Variants in RBFOX1 observed in about 807,000 individuals in gnomAD.
RBFOX1 encodes RNA binding protein fox-1 homolog 1.
RBFOX1 carries 8 observed loss-of-function variants against 57.7 expected under a neutral mutation model. That is an observed-to-expected ratio of 0.14 (90% CI 0.08 to 0.25). The LOEUF is 0.25. Ranked by LOEUF, RBFOX1 falls within the 10% of genes least tolerant of loss-of-function variation. The pLI is 1.00. For missense variants in RBFOX1, 611 were observed against 548.5 expected, an observed-to-expected ratio of 1.11 and a Z score of -1.14; for synonymous variants, 326 against 222.4, an observed-to-expected ratio of 1.47 and a Z score of -4.15.
rs558161081 is a variant in RBFOX1, at chr16:7,484,105, T to G, written c.28-34042T>G. Among the ~76,000 whole-genome samples the G allele has an allele frequency of 5.3e-5, 8 of 152,334 alleles. No homozygotes were observed. In the East Asian group the frequency reaches 1.4e-3, roughly 26 times the overall value. The stretch of plus-strand genomic sequence containing the variant: ...CATACTGTGCAGAGTCTTTTTTGTT[T>G]GAGTCCTTTCCCTGAGCATAAAGTT... On this transcript the variant is annotated intron_variant, in intron 4 of 15. Coordinates refer to ENST00000550418, the MANE Select transcript of RBFOX1 (RefSeq NM_018723.4).
chr16:5,339,409 T>C (rs946289085), intron 1 of RBFOX1, among the ~76,000 whole-genome samples: 2 of 148,560 alleles, frequency 1.3e-5, no homozygotes, highest in Non-Finnish European at 3.0e-5. Flanking sequence ...GAGACCAAAC[T>C]CATGCTGGTT....
intron 3 of RBFOX1, among the ~76,000 whole-genome samples, chr16:6,765,824 C>G (rs888943272): frequency 2.6e-5 from 4 of 152,140 alleles, no homozygotes; most frequent in African/African-American, 9.7e-5. Context: ...GAAATAATGT[C>G]TTTTGCAGCA....
chr16:6,878,095 A>G (rs1449084658), intron 3 of RBFOX1, among the ~76,000 whole-genome samples: 1 of 152,176 alleles, frequency 6.6e-6, no homozygotes, highest in South Asian at 2.1e-4. Flanking sequence ...TGGCTGAGAT[A>G]TATGGTGGCG....
chr16:6,411,152 T>G (rs993551739), intron 2 of RBFOX1, among the ~76,000 whole-genome samples: 35 of 152,190 alleles, frequency 2.3e-4, no homozygotes, highest in African/African-American at 8.4e-4. Flanking sequence ...CAATTGTTTT[T>G]AAATTTTTTT....
intron 3 of RBFOX1, among the ~76,000 whole-genome samples, chr16:6,900,279 T>A (rs2068125017): frequency 6.6e-6 from 1 of 152,186 alleles, no homozygotes; most frequent in Non-Finnish European, 1.5e-5. Context: ...TATGTGTATT[T>A]CTCTGTAGTT....
At chr16:7,518,103 C>A (rs202021640) in intron 4 of RBFOX1, 44 bp from the exon 5 acceptor site, 2 of 1,577,692 alleles carry the variant, frequency 1.3e-6, no homozygotes, top group South Asian at 2.4e-5. Flanking sequence ...CATGGTGGCT[C>A]CTCATGACGT....
At chr16:6,756,279 G>C (rs923089006) in intron 3 of RBFOX1, among the ~76,000 whole-genome samples, 4 of 152,108 alleles carry the variant, frequency 2.6e-5, no homozygotes, top group African/African-American at 9.7e-5. Context: ...GTATGTAGAA[G>C]AGTGAAACAA....
At chr16:7,054,454 G>C (rs2051342525) in intron 4 of RBFOX1, among the ~76,000 whole-genome samples, 1 of 147,420 alleles carries the variant, frequency 6.8e-6, no homozygotes, top group Admixed American at 7.0e-5. Flanking sequence ...TGTTGGCCAG[G>C]ATGGTCTCGA....
chr16:6,879,687 T>G (rs1353238623), intron 3 of RBFOX1, among the ~76,000 whole-genome samples: 1 of 152,236 alleles, frequency 6.6e-6, no homozygotes, highest in Admixed American at 6.5e-5. Context: ...GTTGTACGTC[T>G]CTGTTTAATT....
intron 1 of RBFOX1, among the ~76,000 whole-genome samples, chr16:5,380,853 A>AG (rs1211594487): frequency 6.6e-6 from 1 of 152,216 alleles, no homozygotes; most frequent in Admixed American, 6.5e-5. Flanking sequence ...TTTTATCCTG[A>AG]GGATGTACTC....
chr16:6,760,389 C>T (rs973777193), intron 3 of RBFOX1, among the ~76,000 whole-genome samples: 4 of 152,264 alleles, frequency 2.6e-5, no homozygotes, highest in South Asian at 2.1e-4. Flanking sequence ...TCTTCAACAT[C>T]TTAACTATCT....
intron 2 of RBFOX1, among the ~76,000 whole-genome samples, chr16:6,380,686 C>G (rs2091721955): frequency 6.6e-6 from 1 of 151,428 alleles, no homozygotes; most frequent in African/African-American, 2.4e-5. Context: ...GAACAAATCT[C>G]TTTGGGGGCA....
At chr16:5,667,372 G>A (rs1596662384) in intron 3 of RBFOX1, among the ~76,000 whole-genome samples, 1 of 152,082 alleles carries the variant, frequency 6.6e-6, no homozygotes, top group Non-Finnish European at 1.5e-5. Flanking sequence ...TTGCTCTATG[G>A]CACATTGCCA....
chr16:5,426,285 G>A (rs1315579859), intron 1 of RBFOX1, among the ~76,000 whole-genome samples: 3 of 152,208 alleles, frequency 2.0e-5, no homozygotes, highest in African/African-American at 4.8e-5. Flanking sequence ...GATGTATGCA[G>A]CACCCCCATT....
intron 4 of RBFOX1, among the ~76,000 whole-genome samples, chr16:7,361,609 C>G (rs895138041): frequency 2.0e-5 from 3 of 152,148 alleles, no homozygotes; most frequent in Non-Finnish European, 4.4e-5. Flanking sequence ...ATAGGGATAA[C>G]TAAAGCAACC....
intron 3 of RBFOX1, among the ~76,000 whole-genome samples, chr16:6,942,908 T>A (rs911141956): frequency 2.0e-5 from 3 of 152,182 alleles, no homozygotes; most frequent in Admixed American, 6.5e-5. Context: ...AGTACACAGT[T>A]GTGGTACCGA....
chr16:6,763,141 AG>A (rs1358599231), intron 3 of RBFOX1, among the ~76,000 whole-genome samples: 2 of 152,204 alleles, frequency 1.3e-5, no homozygotes, highest in Non-Finnish European at 2.9e-5. Context: ...GAGTTTTTTC[AG>A]GGCAGAAACT....
chr16:6,420,463 G>C (rs912472678), intron 2 of RBFOX1, among the ~76,000 whole-genome samples: 1 of 152,154 alleles, frequency 6.6e-6, no homozygotes, highest in Non-Finnish European at 1.5e-5. Context: ...TCTGAATCAA[G>C]GATGAACAAA....
At chr16:6,162,839 T>C (rs2096889842) in intron 1 of RBFOX1, among the ~76,000 whole-genome samples, 1 of 152,098 alleles carries the variant, frequency 6.6e-6, no homozygotes, top group African/African-American at 2.4e-5. Flanking sequence ...GTTCAAGCAA[T>C]TCTCCTGCTT....
Sources: gnomAD v4.1 joint callset for allele counts (sites outside exome capture counted in the v4.1 genomes callset) on GRCh38, gnomAD v4.1.1 for gene constraint, MANE v1.5 for transcripts, NCBI Gene and HGNC (gene_info 2026-07-23, HGNC 2026-07-21) for gene names.